Variants in MTFR1L observed in about 807,000 individuals in gnomAD.
MTFR1L encodes mitochondrial fission regulator 1-like.
Under a neutral mutation model 27.9 loss-of-function variants are expected in MTFR1L, and 10 were observed. That is an observed-to-expected ratio of 0.36 (90% CI 0.22 to 0.61). The LOEUF (loss-of-function observed/expected upper bound fraction) is 0.61, where lower values mean the gene tolerates loss of function less well. MTFR1L is among the 20% of genes least tolerant of loss of function. The pLI, the probability that MTFR1L is intolerant of heterozygous loss-of-function variation, is 0.73. For synonymous variants in MTFR1L, 151 were observed against 139.4 expected (o/e 1.08, Z -0.58); for missense variants, 315 against 363.7 (o/e 0.87, Z 1.09).
rs769340393 is a variant in MTFR1L, at chr1:25,826,083, C to T, written c.130-219C>T. The T allele has an allele frequency of 2.0e-6, 1 of 498,336 alleles. No homozygotes were observed. The highest frequency in any genetic ancestry group is 3.6e-5 in the East Asian group (1 of 27,832). The allele number at this position is 498,336 out of a possible 1,614,324, so 30.9% of individuals were successfully genotyped here. On this transcript the variant is annotated intron_variant, in intron 3 of 6. Coordinates refer to ENST00000374303, the MANE Select transcript of MTFR1L (RefSeq NM_001099625.2). This position sits in a 1 kb window ranked among gnomAD's most constrained non-coding sequence, Gnocchi z 4.1. ...CTCTTGGTCTCAAGCATTCTGCCTG[C>T]CTCGGCCTCCCAAATGCTGGGATTA...
intron 6 of MTFR1L, among the ~76,000 whole-genome samples, chr1:25,830,067 G>A (rs1216046674): frequency 6.6e-6 from 1 of 152,204 alleles, no homozygotes; most frequent in Non-Finnish European, 1.5e-5. Context: ...GATTTTACAA[G>A]AAGGCTCATC....
At chr1:25,823,568 C>A in intron 2 of MTFR1L, 76 bp from the exon 3 acceptor site, 2 of 1,565,978 alleles carry the variant, frequency 1.3e-6, no homozygotes, top group Non-Finnish European at 1.7e-6. Flanking sequence ...TCTCCACAAA[C>A]CTAGAGAGGA....
At chr1:25,822,978 G>C (rs766272979) in intron 1 of MTFR1L, 41 bp from the exon 2 acceptor site, 4 of 1,543,562 alleles carry the variant, frequency 2.6e-6, no homozygotes, top group Admixed American at 3.3e-5. Context: ...TCCCCACTGT[G>C]GGGGGTTGTT....
At chr1:25,821,113 G>A (rs1251729222) in intron 1 of MTFR1L, 1 of 233,508 alleles carries the variant, frequency 4.3e-6, no homozygotes, top group Non-Finnish European at 8.5e-6. Context: ...ATGTGGTCTA[G>A]AGACGGCAGA....
chr1:25,827,589 C>T (rs1032244206), intron 5 of MTFR1L, among the ~76,000 whole-genome samples: 8 of 151,558 alleles, frequency 5.3e-5, no homozygotes, highest in African/African-American at 1.9e-4. Flanking sequence ...TACGGGTGTG[C>T]ACCACCACAC....
chr1:25,830,907 A>C (rs1052965776), intron 6 of MTFR1L, among the ~76,000 whole-genome samples: 7 of 152,136 alleles, frequency 4.6e-5, no homozygotes, highest in Admixed American at 2.6e-4. Flanking sequence ...ATACTCACCC[A>C]TATCTCTTTG....
At chr1:25,830,995 T>C (rs1001242604) in intron 6 of MTFR1L, among the ~76,000 whole-genome samples, 36 of 152,346 alleles carry the variant, frequency 2.4e-4, no homozygotes, top group Admixed American at 2.1e-3. Flanking sequence ...AAATGTTTTA[T>C]AGGTTGACTC....
chr1:25,821,120 CAGAGAA>C, intron 1 of MTFR1L: 1 of 225,836 alleles, frequency 4.4e-6, no homozygotes, highest in Non-Finnish European at 8.8e-6. Flanking sequence ...CTAGAGACGG[CAGAGAA>C]AGATGGGTTT....
rs141750159 is a variant in MTFR1L, at chr1:25,829,648, C to A, written c.591C>A (p.Val197=). The change falls in exon 6 of 7, where the codon GTC becomes GTA. Residue 197 remains valine (V), a synonymous_variant. Transcript: ENST00000374303. The stretch of plus-strand genomic sequence containing the variant: ...TCACCGAGGAGACAGAGGTGGAGGT[C>A]CCTGAGCTTCCATCAGTCCCCCTGC... The part of the protein sequence containing the change: ...SDITEETEVE[V]PELPSVPLLC... 6.2e-7 allele frequency: 1 copy of A among 1,614,184 alleles called. No homozygotes were observed. Among genetic ancestry groups the A allele is most frequent in the South Asian group, 1.1e-5 (1 of 91,086 alleles).
chr1:25,823,427 T>G (rs1174867645), intron 2 of MTFR1L: 2 of 766,068 alleles, frequency 2.6e-6, no homozygotes, highest in Non-Finnish European at 4.5e-6. Flanking sequence ...ATTGACTGCC[T>G]TAGCAGCAGC....
At chr1:25,827,247 T>G (rs2048180877) in intron 5 of MTFR1L, among the ~76,000 whole-genome samples, 1 of 151,734 alleles carries the variant, frequency 6.6e-6, no homozygotes, top group Non-Finnish European at 1.5e-5. Flanking sequence ...GCGATTCTCC[T>G]GCCTCAGCCT....
rs887847192 is a variant in MTFR1L, at chr1:25,829,904, C to A, written c.773+74C>A. 4.0e-6 allele frequency: 5 copies of A among 1,262,244 alleles called. No homozygotes were observed. The African/African-American group carries it at 6.0e-5, about 15-fold the overall frequency. 78.2% of individuals were successfully genotyped at this position (1,262,244 alleles called of 1,614,324 possible). On this transcript the variant is annotated intron_variant, in intron 6 of 6. Transcript: ENST00000374303. ...ATGGCCAATTATGTAATGCAACATACTTACATAGTAAGTTCTTAGTAGTAC... is the reference window on the plus strand; with the variant it reads ...ATGGCCAATTATGTAATGCAACATAATTACATAGTAAGTTCTTAGTAGTAC...
rs1361803923 is a variant in MTFR1L, at chr1:25,823,419, T to C, written c.25-225T>C. 5.3e-6 allele frequency: 4 copies of C among 752,220 alleles called. No homozygotes were observed. In the East Asian group the frequency reaches 8.0e-5, roughly 15 times the overall value. The allele number at this position is 752,220 out of a possible 1,614,324, so 46.6% of individuals were successfully genotyped here. ...TCCCCTTCCCTGACCCTCCCAACAT[T>C]GACTGCCTTAGCAGCAGCAGGTATT... On this transcript the variant is annotated intron_variant, in intron 2 of 6. Coordinates refer to ENST00000374303, the MANE Select transcript of MTFR1L (RefSeq NM_001099625.2).
intron 6 of MTFR1L, 51 bp downstream of exon 6, chr1:25,829,881 G>T: frequency 6.9e-7 from 1 of 1,450,730 alleles, no homozygotes; most frequent in Non-Finnish European, 9.3e-7. Flanking sequence ...AGTTGCCCAT[G>T]GCCAATTATG....
rs1180804516 is a variant in MTFR1L, at chr1:25,829,477, T to C, written c.452-32T>C. 4 of 1,589,200 alleles carry C rather than the reference T, an allele frequency of 2.5e-6. No homozygotes were observed. The Admixed American group carries it at 6.8e-5, about 27-fold the overall frequency. ...TATTGCTACTGTGTTCTAGCCCCAA[T>C]GTCCACCCATGCCTATTGTTTTCTC... On this transcript the variant is annotated intron_variant, in intron 5 of 6. Transcript: ENST00000374303.
Position 25,826,859 on chromosome 1 carries a change from C to A in MTFR1L, c.451+33C>A. ...CCCCTGTGCCAGGGCCAGAACGTAA[C>A]AGGCTGTTCCTTTCCCCTGGCTCTT... On this transcript the variant is annotated intron_variant, in intron 5 of 6. Transcript: ENST00000374303. The surrounding 1 kb of genome is among the most constrained non-coding windows in gnomAD (Gnocchi z 4.1). 6.2e-7 allele frequency: 1 copy of A among 1,605,018 alleles called. No individual in the cohort carries two copies. The highest frequency in any genetic ancestry group is 8.5e-7 in the Non-Finnish European group (1 of 1,174,826).
intron 1 of MTFR1L, chr1:25,820,293 C>T (rs1165562834): frequency 4.4e-6 from 2 of 455,848 alleles, no homozygotes; most frequent in Non-Finnish European, 8.8e-6. Flanking sequence ...ACGGGCCGGG[C>T]TGCCCCGCCG....
rs367965868 is a variant in MTFR1L, at chr1:25,826,562, G to A, written c.240-53G>A. 3.1e-6 allele frequency: 5 copies of A among 1,606,986 alleles called. No homozygotes were observed. The highest frequency in any genetic ancestry group is 8.5e-7 in the Non-Finnish European group (1 of 1,173,980). On this transcript the variant is annotated intron_variant, in intron 4 of 6. Transcript: ENST00000374303. The surrounding 1 kb of genome is among the most constrained non-coding windows in gnomAD (Gnocchi z 4.1). ...ACAGAAGTGGGGGAAGGAACCTTAG[G>A]AGCACAGTGGCCTGCTGTCTCTAAC... is the stretch of plus-strand genomic sequence containing the variant.
In MTFR1L at chr1:25,823,739, G is replaced by A. The variant is rs767852018; in HGVS notation, c.120G>A (p.Ala40=). 3.1e-5 allele frequency: 50 copies of A among 1,613,800 alleles called. No homozygotes were observed. The highest frequency in any genetic ancestry group is 1.7e-4 in the African/African-American group (13 of 74,892). ...TACCCTTGAAGCCGTGTGCCCGGGCGTCCTTTGAGGTGAGTATGTTGGAAG... is the reference window on the plus strand; with the variant it reads ...TACCCTTGAAGCCGTGTGCCCGGGCATCCTTTGAGGTGAGTATGTTGGAAG... ...TNLPLKPCAR[A]SFETLPNISD... Residue 40 remains alanine, a synonymous_variant, in exon 3 of 7, where the codon GCG becomes GCA. Transcript: ENST00000374303.
Sources: gnomAD v4.1 joint callset for allele counts (sites outside exome capture counted in the v4.1 genomes callset) on GRCh38, gnomAD v4.1.1 for gene constraint, Gnocchi (gnomAD v3.1) non-coding constraint, MANE v1.5 for transcripts, NCBI Gene and HGNC (gene_info 2026-07-23, HGNC 2026-07-21) for gene names.